WRN: variants seen among roughly 807,000 people sequenced by gnomAD.
The protein encoded by WRN is bifunctional 3'-5' exonuclease/ATP-dependent helicase WRN.
A neutral mutation model predicts 180.7 loss-of-function variants in WRN; 149 were observed. That is an observed-to-expected ratio of 0.82 (90% CI 0.72 to 0.94). The LOEUF (loss-of-function observed/expected upper bound fraction) is 0.94. Ranked by LOEUF, WRN falls within the 40% of genes least tolerant of loss-of-function variation. The pLI is 0.00. For missense variants in WRN, 1,661 were observed against 1,700.1 expected, an observed-to-expected ratio of 0.98 and a Z score of 0.40; for synonymous variants, 548 against 568.9, an observed-to-expected ratio of 0.96 and a Z score of 0.52.
chr8:31,088,912 T>A lies in WRN; in HGVS notation c.1599T>A (p.Asn533Lys). The A allele has an allele frequency of 6.2e-7, 1 of 1,611,514 alleles. No homozygotes were observed. Among genetic ancestry groups the A allele is most frequent in the Non-Finnish European group, 8.5e-7 (1 of 1,178,702 alleles). ...DDKDFLWPAP[N>K]EEQVTCLKMY... is the part of the protein sequence containing the mutation. ...CAGACTTTTTGTGGCCAGCACCCAA[T>A]GAAGAGCAAGTTACTTGCCTCAAGA... is the stretch of plus-strand genomic sequence containing the variant. Residue 533 changes from asparagine (N) to lysine (K), a missense_variant, in exon 13 of 35, where the codon AAT (asparagine) becomes AAA (lysine). This residue lies in a region of WRN where 1,141 missense variants were observed against 1,149.4 expected (regional missense o/e 0.99). Transcript: ENST00000298139.
At chr8:31,133,405 G>A (rs1355266854) in intron 24 of WRN, among the ~76,000 whole-genome samples, 1 of 152,068 alleles carries the variant, frequency 6.6e-6, no homozygotes, top group East Asian at 1.9e-4. Context: ...TGTATTTTTA[G>A]AAAGGAACAT....
At chr8:31,150,284 A>G (rs1803066320) in intron 30 of WRN, 57 bp from the exon 31 acceptor site, 1 of 1,361,996 alleles carries the variant, frequency 7.3e-7, no homozygotes, top group South Asian at 1.2e-5. Flanking sequence ...CTGGAGTGAT[A>G]CTGTTTCAGT....
At chr8:31,047,838 T>C (rs1308428591) in intron 1 of WRN, among the ~76,000 whole-genome samples, 1 of 152,208 alleles carries the variant, frequency 6.6e-6, no homozygotes, top group Non-Finnish European at 1.5e-5. Context: ...TCATTAAAAA[T>C]AATGAATTAT....
At chr8:31,082,540 ATTAGGTATACACTTTAAGTGATATGT>A (rs1460563509) in intron 9 of WRN, among the ~76,000 whole-genome samples, 8 of 152,068 alleles carry the variant, frequency 5.3e-5, no homozygotes, top group Non-Finnish European at 1.2e-4. Flanking sequence ...GGAATTTCTT[ATTAGGTATACACTTTAAGTGATATGT>A]TTCATATAAT....
intron 20 of WRN, among the ~76,000 whole-genome samples, chr8:31,119,404 A>AT (rs1406997870): frequency 6.6e-6 from 1 of 151,714 alleles, no homozygotes; most frequent in East Asian, 1.9e-4. Flanking sequence ...CTCCTACTTA[A>AT]TTTTTTGTTT....
chr8:31,083,851 T>A, intron 10 of WRN, 72 bp downstream of exon 10: 2 of 1,369,662 alleles, frequency 1.5e-6, no homozygotes, highest in Non-Finnish European at 2.1e-6. Flanking sequence ...AAATATTAAC[T>A]AATTCTAAAC....
intron 31 of WRN, among the ~76,000 whole-genome samples, chr8:31,151,896 CTTTTA>C (rs1803145609): frequency 7.0e-6 from 1 of 142,490 alleles, no homozygotes; most frequent in African/African-American, 2.5e-5. Context: ...TTTCATTAGC[CTTTTA>C]TTTTTTTTTT....
intron 1 of WRN, among the ~76,000 whole-genome samples, chr8:31,034,513 C>T (rs746142968): frequency 2.6e-5 from 4 of 152,026 alleles, no homozygotes; most frequent in Non-Finnish European, 5.9e-5. Context: ...GTCTGTAAGT[C>T]GGAGTACTTC....
intron 24 of WRN, among the ~76,000 whole-genome samples, chr8:31,134,090 GTA>G (rs1225090208): frequency 6.6e-6 from 1 of 152,082 alleles, no homozygotes; most frequent in Non-Finnish European, 1.5e-5. Context: ...TTTTCTAAAA[GTA>G]CCACTTAATG....
chr8:31,040,828 T>C (rs942479476), intron 1 of WRN, among the ~76,000 whole-genome samples: 1 of 152,214 alleles, frequency 6.6e-6, no homozygotes, highest in Non-Finnish European at 1.5e-5. Context: ...TGAGTTTTTT[T>C]TTCTTCTTCT....
At chr8:31,093,922 A>G (rs920467275) in intron 16 of WRN, among the ~76,000 whole-genome samples, 2 of 152,226 alleles carry the variant, frequency 1.3e-5, no homozygotes, top group Non-Finnish European at 2.9e-5. Flanking sequence ...TCATGTTATT[A>G]CAGTGATTAA....
At chr8:31,059,413 A>G in intron 3 of WRN, 148 bp downstream of exon 3, 1 of 659,858 alleles carries the variant, frequency 1.5e-6, no homozygotes. Context: ...CAAGTTTTAC[A>G]TTTCAAATAA....
At chr8:31,109,116 C>G (rs1025946991) in intron 18 of WRN, among the ~76,000 whole-genome samples, 1 of 152,244 alleles carries the variant, frequency 6.6e-6, no homozygotes, top group East Asian at 1.9e-4. Context: ...GTACCGCCCC[C>G]AGAACTACCA....
chr8:31,091,056 A>G, intron 15 of WRN, 114 bp downstream of exon 15: 1 of 835,036 alleles, frequency 1.2e-6, no homozygotes, highest in Non-Finnish European at 2.1e-6. Flanking sequence ...TTCTGCAGGT[A>G]TTGCTTTATC....
intron 18 of WRN, among the ~76,000 whole-genome samples, chr8:31,109,890 C>G (rs1175490070): frequency 1.3e-5 from 2 of 152,108 alleles, no homozygotes; most frequent in African/African-American, 4.8e-5. Context: ...CCTGGTTTTT[C>G]TGTTAACTTC....
intron 16 of WRN, among the ~76,000 whole-genome samples, chr8:31,096,337 C>G (rs1447277266): frequency 6.6e-6 from 1 of 152,082 alleles, no homozygotes; most frequent in Non-Finnish European, 1.5e-5. Context: ...ATATTTTGCC[C>G]CAGACCTAGC....
chr8:31,154,707 G>A lies in WRN; in HGVS notation c.3771G>A (p.Gln1257=), dbSNP rs777616472. ...VAKNKICTLS[Q]SMAITYSLFQ... ...AAAATAAAATATGCACACTTTCACA[G>A]TCTATGGCCATCACATACTCTTTAT... is the stretch of plus-strand genomic sequence containing the variant. The change falls in exon 32 of 35, where the codon CAG becomes CAA. Residue 1257 remains glutamine (Q), a synonymous_variant. Transcript: ENST00000298139. 7 of 1,613,596 alleles carry A rather than the reference G, an allele frequency of 4.3e-6. No individual in the cohort carries two copies. The South Asian group carries it at 4.4e-5, about 10-fold the overall frequency.
In WRN at chr8:31,141,673, T is replaced by A. The variant is rs370163981; in HGVS notation, c.3139-8T>A. The A allele has an allele frequency of 1.2e-6, 2 of 1,614,050 alleles. No homozygotes were observed. Among genetic ancestry groups the A allele is most frequent in the African/African-American group, 2.7e-5 (2 of 74,932 alleles). On this transcript the variant is annotated splice_region_variant and splice_polypyrimidine_tract_variant and intron_variant, in intron 25 of 34. Transcript: ENST00000298139. ...TCCACATTAAAAGATCCTTTTTGCT[T>A]TTAATAGGGTAGAAATTGGCTTCAT...
intron 23 of WRN, among the ~76,000 whole-genome samples, chr8:31,129,998 T>C (rs1802083867): frequency 8.8e-6 from 1 of 113,488 alleles, no homozygotes; most frequent in South Asian, 3.4e-4. Flanking sequence ...AGCGACACTC[T>C]TGTCTCAAAA....
Sources: allele counts gnomAD v4.1 joint callset (sites outside exome capture counted in the v4.1 genomes callset), GRCh38; gene constraint gnomAD v4.1.1; regional missense constraint gnomAD v4.1.1; transcripts MANE v1.5; gene names NCBI Gene and HGNC (gene_info 2026-07-23, HGNC 2026-07-21).